ARHGAP15: variants seen among roughly 807,000 people sequenced by gnomAD.
The protein encoded by ARHGAP15 is rho GTPase-activating protein 15.
In ARHGAP15, 51 loss-of-function variants were observed where a neutral mutation model predicts 63.7. The observed-to-expected ratio is 0.80, with a 90% CI of 0.64 to 1.01. ARHGAP15 has a LOEUF of 1.01. ARHGAP15 is among the 50% of genes least tolerant of loss of function. ARHGAP15 has a pLI of 0.00. For synonymous variants in ARHGAP15, 191 were observed against 193.8 expected (o/e 0.99, Z 0.12); for missense variants, 560 against 564.6 (o/e 0.99, Z 0.08).
At chr2:143,600,336 C>G (rs1017002148) in intron 11 of ARHGAP15, among the ~76,000 whole-genome samples, 14 of 152,268 alleles carry the variant, frequency 9.2e-5, no homozygotes, top group African/African-American at 3.4e-4. Flanking sequence ...CTTTTAGTCA[C>G]AGGGCCACAT....
chr2:143,312,631 T>C (rs1558884572), intron 6 of ARHGAP15, among the ~76,000 whole-genome samples: 1 of 152,174 alleles, frequency 6.6e-6, no homozygotes, highest in Non-Finnish European at 1.5e-5. Flanking sequence ...TGGCAGTGAA[T>C]TCATATTAAC....
intron 12 of ARHGAP15, among the ~76,000 whole-genome samples, chr2:143,627,038 C>G (rs1698861464): frequency 6.6e-6 from 1 of 152,122 alleles, no homozygotes; most frequent in Admixed American, 6.6e-5. Context: ...TGTAATGGCA[C>G]AACTAGAAGT....
At chr2:143,653,376 T>G (rs571487105) in intron 12 of ARHGAP15, among the ~76,000 whole-genome samples, 1 of 152,136 alleles carries the variant, frequency 6.6e-6, no homozygotes, top group Non-Finnish European at 1.5e-5. Flanking sequence ...CTGGCCCTAA[T>G]TGAATGAGCT....
chr2:143,603,169 G>T (rs1056106815), intron 11 of ARHGAP15, among the ~76,000 whole-genome samples: 2 of 152,130 alleles, frequency 1.3e-5, no homozygotes, highest in African/African-American at 2.4e-5. Flanking sequence ...CTCCTTGCTG[G>T]CCCTGGACCT....
chr2:143,713,633 A>G (rs946940177), intron 13 of ARHGAP15, among the ~76,000 whole-genome samples: 2 of 152,238 alleles, frequency 1.3e-5, no homozygotes, highest in East Asian at 1.9e-4. Flanking sequence ...TAAAATCAAA[A>G]GCAAGCTAAT....
chr2:143,289,733 G>T (rs944656344), intron 6 of ARHGAP15, among the ~76,000 whole-genome samples: 2 of 152,150 alleles, frequency 1.3e-5, no homozygotes, highest in South Asian at 4.1e-4. Context: ...TAACAAAGGT[G>T]TGATGCATTA....
intron 11 of ARHGAP15, among the ~76,000 whole-genome samples, chr2:143,579,664 C>T (rs1696812978): frequency 6.6e-6 from 1 of 151,668 alleles, no homozygotes. Context: ...CTATGCCCCA[C>T]TTAGTATAAA....
chr2:143,540,888 G>A (rs905368395), intron 10 of ARHGAP15, among the ~76,000 whole-genome samples: 1 of 152,106 alleles, frequency 6.6e-6, no homozygotes, highest in Non-Finnish European at 1.5e-5. Flanking sequence ...AATCTTTGTG[G>A]CATTCTCTGT....
intron 9 of ARHGAP15, 53 bp downstream of exon 9, chr2:143,487,548 G>C (rs1231167779): frequency 6.4e-7 from 1 of 1,572,164 alleles, no homozygotes; most frequent in South Asian, 1.2e-5. Context: ...ATGTGCCTCT[G>C]TGTTCATAGC....
At chr2:143,462,946 G>C (rs1423810448) in intron 8 of ARHGAP15, among the ~76,000 whole-genome samples, 1 of 152,170 alleles carries the variant, frequency 6.6e-6, no homozygotes, top group Admixed American at 6.6e-5. Flanking sequence ...TGGGGTCTCT[G>C]AGCTTAGGGA....
At chr2:143,407,325 A>C (rs1265432612) in intron 6 of ARHGAP15, among the ~76,000 whole-genome samples, 2 of 151,882 alleles carry the variant, frequency 1.3e-5, no homozygotes, top group Non-Finnish European at 2.9e-5. Flanking sequence ...TTTAAGATGA[A>C]GTGTTTAATA....
At chr2:143,132,175 A>T (rs2104976865) in intron 1 of ARHGAP15, among the ~76,000 whole-genome samples, 1 of 152,214 alleles carries the variant, frequency 6.6e-6, no homozygotes, top group Admixed American at 6.5e-5. Flanking sequence ...ATGCTACATA[A>T]TTAGACTTTA....
intron 6 of ARHGAP15, among the ~76,000 whole-genome samples, chr2:143,431,910 C>T (rs1209154452): frequency 6.6e-6 from 1 of 151,950 alleles, no homozygotes; most frequent in Non-Finnish European, 1.5e-5. Flanking sequence ...AGGGTAGCAC[C>T]ATGTCACTCA....
chr2:143,243,095 G>T (rs979795648), intron 5 of ARHGAP15, among the ~76,000 whole-genome samples: 1 of 152,074 alleles, frequency 6.6e-6, no homozygotes, highest in African/African-American at 2.4e-5. Flanking sequence ...TGTGGCCTGC[G>T]TATATGCCCA....
chr2:143,619,590 G>A (rs113899744), intron 11 of ARHGAP15, among the ~76,000 whole-genome samples: 9 of 152,298 alleles, frequency 5.9e-5, no homozygotes, highest in African/African-American at 1.9e-4. Context: ...TATAACATGT[G>A]ATATGGTTTG....
At chr2:143,409,731 C>A (rs552471721) in intron 6 of ARHGAP15, among the ~76,000 whole-genome samples, 66 of 152,192 alleles carry the variant, frequency 4.3e-4, no homozygotes, top group African/African-American at 1.3e-3. Flanking sequence ...CATTATGCTA[C>A]AATTGCCTGT....
At position 143,158,382 on chromosome 2, in the gene ARHGAP15, C is replaced by G. The variant is rs150912905; in HGVS notation, c.165+2727C>G. Among the ~76,000 whole-genome samples the G allele has an allele frequency of 9.3e-3, 1,407 of 151,978 alleles. 26 individuals are homozygous for G. The highest frequency in any genetic ancestry group is 0.032 in the African/African-American group (1,335 of 41,504). On this transcript the variant is annotated intron_variant, in intron 2 of 13. Transcript: ENST00000295095. ...AACATTTATCCAACCCTCAGCTATG[C>G]AAACGTAGGTGAATTTACTTGCTAA...
At chr2:143,579,582 G>T (rs1183022096) in intron 11 of ARHGAP15, among the ~76,000 whole-genome samples, 3 of 152,106 alleles carry the variant, frequency 2.0e-5, no homozygotes, top group Non-Finnish European at 4.4e-5. Context: ...ACGACCGTGA[G>T]GGGAGCTCGT....
chr2:143,283,697 T>C (rs926965313), intron 6 of ARHGAP15, among the ~76,000 whole-genome samples: 1 of 152,080 alleles, frequency 6.6e-6, no homozygotes, highest in African/African-American at 2.4e-5. Context: ...CTTTCTTTTT[T>C]CCCCCACATT....
Sources: gnomAD v4.1 joint callset for allele counts (sites outside exome capture counted in the v4.1 genomes callset) on GRCh38, gnomAD v4.1.1 for gene constraint, MANE v1.5 for transcripts, NCBI Gene and HGNC (gene_info 2026-07-23, HGNC 2026-07-21) for gene names.